Variants in C1QTNF7 observed in about 807,000 individuals in gnomAD.
The protein encoded by C1QTNF7 is C1q and TNF related 7.
C1QTNF7 carries 15 observed loss-of-function variants against 19.6 expected under a neutral mutation model. The observed-to-expected ratio is 0.76, with a 90% CI of 0.51 to 1.18. C1QTNF7 has a LOEUF of 1.18. Among genes scored for constraint, C1QTNF7 ranks in the 50% most tolerant of loss-of-function variants. C1QTNF7 has a pLI of 0.00. For missense variants in C1QTNF7, 324 were observed against 359.7 expected (o/e 0.90, Z 0.80); for synonymous variants, 142 against 137.5 (o/e 1.03, Z -0.23).
upstream of C1QTNF7, among the ~76,000 whole-genome samples, chr4:15,425,110 C>T (rs1711977095): frequency 6.6e-6 from 1 of 152,014 alleles, no homozygotes; most frequent in Non-Finnish European, 1.5e-5. Flanking sequence ...TGTATCACTA[C>T]AACTCCCCGG....
chr4:15,388,210 T>A (rs999699443), intron 1 of C1QTNF7, among the ~76,000 whole-genome samples: 3 of 152,160 alleles, frequency 2.0e-5, no homozygotes, highest in African/African-American at 7.2e-5. Context: ...GAAGAAGATA[T>A]GAAATGGTTA....
At chr4:15,419,027 T>C (rs1356437608) in intron 1 of C1QTNF7, among the ~76,000 whole-genome samples, 1 of 152,226 alleles carries the variant, frequency 6.6e-6, no homozygotes, top group Non-Finnish European at 1.5e-5. Context: ...CCTTTAAAGT[T>C]ACTTCCAAAT....
chr4:15,371,327 C>T (rs1196021562), intron 1 of C1QTNF7, among the ~76,000 whole-genome samples: 1 of 152,208 alleles, frequency 6.6e-6, no homozygotes, highest in African/African-American at 2.4e-5. Context: ...CCTCATTAGA[C>T]TGTTCTTGGG....
chr4:15,414,851 G>A (rs1283056212), intron 1 of C1QTNF7, among the ~76,000 whole-genome samples: 1 of 152,082 alleles, frequency 6.6e-6, no homozygotes, highest in Non-Finnish European at 1.5e-5. Context: ...AGCCATCATA[G>A]AGTTCCAGTT....
intron 1 of C1QTNF7, among the ~76,000 whole-genome samples, chr4:15,361,532 T>C (rs931992684): frequency 4.6e-5 from 7 of 152,090 alleles, no homozygotes; most frequent in Non-Finnish European, 8.8e-5. Context: ...GCCATTACCA[T>C]ATATACAGAA....
chr4:15,374,601 C>G, intron 1 of C1QTNF7: 5 of 985,410 alleles, frequency 5.1e-6, no homozygotes, highest in Non-Finnish European at 6.0e-6. Flanking sequence ...CGCTCAAAGC[C>G]TGGGAGAACG....
intron 1 of C1QTNF7, among the ~76,000 whole-genome samples, chr4:15,405,372 T>C (rs993014834): frequency 2.6e-5 from 4 of 152,192 alleles, no homozygotes; most frequent in African/African-American, 9.7e-5. Flanking sequence ...GAATTTCCCA[T>C]AAGGTGCCTG....
In C1QTNF7 at chr4:15,442,639, T is replaced by C. The variant is rs765425848; in HGVS notation, c.710T>C (p.Ile237Thr). 3.0e-5 allele frequency: 48 copies of C among 1,614,078 alleles called. No homozygotes were observed. Among genetic ancestry groups the C allele is most frequent in the Admixed American group, 1.0e-4 (6 of 60,004 alleles). The part of the protein sequence containing the change: ...NHDVASGSTV[I>T]YLQPEDEVWL... ...GATGTGGCTTCGGGGTCCACAGTCA[T>C]CTATCTGCAGCCAGAAGATGAAGTC... The change falls in exon 3 of 3, where the codon ATC (isoleucine) becomes ACC (threonine). Residue 237 changes from isoleucine (I) to threonine (T), a missense_variant. Physicochemically the swap from Ile to Thr is moderately conservative, Grantham distance 89. Coordinates refer to ENST00000444304, the MANE Select transcript of C1QTNF7 (RefSeq NM_031911.5).
intron 1 of C1QTNF7, among the ~76,000 whole-genome samples, chr4:15,403,658 C>T (rs1719077874): frequency 4.6e-5 from 7 of 152,202 alleles, no homozygotes; most frequent in African/African-American, 1.7e-4. Context: ...ATTACATCTA[C>T]ATAAACCCTA....
intron 1 of C1QTNF7, among the ~76,000 whole-genome samples, chr4:15,348,936 C>T (rs1716806348): frequency 6.6e-6 from 1 of 152,204 alleles, no homozygotes; most frequent in Admixed American, 6.5e-5. Flanking sequence ...CAGCAGAGCA[C>T]ACTCACTACA....
intron 1 of C1QTNF7, among the ~76,000 whole-genome samples, chr4:15,389,092 T>C (rs982419228): frequency 1.3e-5 from 2 of 152,136 alleles, no homozygotes; most frequent in African/African-American, 2.4e-5. Flanking sequence ...TTCAGAGGGA[T>C]GGTGAGGATA....
intron 1 of C1QTNF7, among the ~76,000 whole-genome samples, chr4:15,400,769 G>C (rs909384460): frequency 6.6e-6 from 1 of 152,158 alleles, no homozygotes; most frequent in African/African-American, 2.4e-5. Flanking sequence ...GCTTCAAACA[G>C]CAAAAAGGTT....
intron 1 of C1QTNF7, among the ~76,000 whole-genome samples, chr4:15,416,192 G>C (rs1719600339): frequency 6.6e-6 from 1 of 152,034 alleles, no homozygotes; most frequent in African/African-American, 2.4e-5. Context: ...TCTTTAATTG[G>C]TTTTAATTTT....
In C1QTNF7 at chr4:15,399,404, G is replaced by A. The variant is rs578124284; in HGVS notation, c.14-36332G>A. 7.2e-5 allele frequency among the ~76,000 whole-genome samples: 11 copies of A among 152,222 alleles called. No homozygotes were observed. The East Asian group carries it at 1.7e-3, about 24-fold the overall frequency. ...AGCTCTGAATATCTCTGTAGGCTCC[G>A]CAGATAGTAGTTAAGAACATGCACC... On this transcript the variant is annotated intron_variant, in intron 1 of 2. Transcript: ENST00000295297.
Position 15,347,956 on chromosome 4 carries a change from G to A in C1QTNF7, c.13+7749G>A, listed in dbSNP as rs111415100. Reference sequence around the variant, plus strand: ...AGCCCTTCCCGGTTGTGTGATCATGGTTAAGTTACTCTAGTTCTCTGAGCT... The same window carrying A: ...AGCCCTTCCCGGTTGTGTGATCATGATTAAGTTACTCTAGTTCTCTGAGCT... On this transcript the variant is annotated intron_variant, in intron 1 of 2. Transcript: ENST00000295297. Among the ~76,000 whole-genome samples the A allele has an allele frequency of 1.8e-4, 28 of 152,218 alleles. 1 individual carries two copies. Among genetic ancestry groups the A allele is most frequent in the African/African-American group, 6.5e-4 (27 of 41,550 alleles).
In C1QTNF7 at chr4:15,435,743, G is replaced by C. The variant is rs140840563; in HGVS notation, c.-1G>C. On this transcript the variant is annotated 5_prime_UTR_variant, in exon 2 of 3. Transcript: ENST00000444304. Reference sequence around the variant, plus strand: ...TGTGTGTTTCTCTTCCAGAGCCAAAGATGTTTGTCTTGCTCTATGTTACAA... The same window carrying C: ...TGTGTGTTTCTCTTCCAGAGCCAAACATGTTTGTCTTGCTCTATGTTACAA... The C allele has an allele frequency of 2.0e-5, 33 of 1,614,132 alleles. No homozygotes were observed. In the African/African-American group the frequency reaches 4.1e-4, roughly 20 times the overall value.
chr4:15,375,805 C>T (rs1293972951), intron 1 of C1QTNF7, among the ~76,000 whole-genome samples: 1 of 152,190 alleles, frequency 6.6e-6, no homozygotes, highest in Non-Finnish European at 1.5e-5. Context: ...CTGGAAAGCT[C>T]CTCCAAAATA....
intron 1 of C1QTNF7, among the ~76,000 whole-genome samples, chr4:15,430,350 C>T (rs941385749): frequency 4.6e-5 from 7 of 152,056 alleles, no homozygotes; most frequent in African/African-American, 1.7e-4. Flanking sequence ...TTTGGGAGGG[C>T]GAGGTGGGCA....
At chr4:15,408,035 G>A (rs1343489205) in intron 1 of C1QTNF7, among the ~76,000 whole-genome samples, 3 of 152,262 alleles carry the variant, frequency 2.0e-5, no homozygotes, top group South Asian at 2.1e-4. Context: ...TTGGGAGGCC[G>A]AGGCAGGCGG....
Sources: gnomAD v4.1 joint callset for allele counts (sites outside exome capture counted in the v4.1 genomes callset) on GRCh38, gnomAD v4.1.1 for gene constraint, MANE v1.5 for transcripts, NCBI Gene and HGNC (gene_info 2026-07-23, HGNC 2026-07-21) for gene names.